The following NIPBL variants were observed in gnomAD, a reference collection of about 807,000 sequenced individuals.
NIPBL encodes nipped-B-like protein.
NIPBL carries 19 observed loss-of-function variants against 321.8 expected under a neutral mutation model. The ratio of observed to expected loss-of-function variants is 0.06; its 90% CI spans 0.04 to 0.09. NIPBL has a LOEUF of 0.09. NIPBL is among the 10% of genes least tolerant of loss of function. The pLI is 1.00. For missense variants in NIPBL, 2,210 were observed against 3,327.0 expected (o/e 0.66, Z 8.26); for synonymous variants, 1,106 against 1,114.1 (o/e 0.99, Z 0.14).
chr5:36,914,100 T>G (rs1748263434), intron 1 of NIPBL, among the ~76,000 whole-genome samples: 1 of 152,292 alleles, frequency 6.6e-6, no homozygotes, highest in East Asian at 1.9e-4. Flanking sequence ...CACATGGAAA[T>G]AAAGAGCTAG....
At chr5:37,002,085 AG>A (rs890200514) in intron 14 of NIPBL, among the ~76,000 whole-genome samples, 6 of 152,188 alleles carry the variant, frequency 3.9e-5, no homozygotes, top group Non-Finnish European at 7.3e-5. Context: ...AAAAAGATGG[AG>A]GCAAAATAAT....
intron 14 of NIPBL, 120 bp from the exon 15 acceptor site, chr5:37,002,542 C>T (rs953424736): frequency 1.6e-5 from 11 of 705,476 alleles, no homozygotes; most frequent in Admixed American, 4.1e-5. Context: ...TATATAGAGG[C>T]GTCTTAGGTT....
At chr5:36,995,399 CAT>C (rs1395372484) in intron 10 of NIPBL, 3 of 393,062 alleles carry the variant, frequency 7.6e-6, no homozygotes, top group Non-Finnish European at 1.3e-5. Context: ...ATGGTGGTGT[CAT>C]GTTTTTAAAG....
Position 36,880,406 on chromosome 5 carries a change from G to C in NIPBL, c.-80+3228G>C, listed in dbSNP as rs75099710. Among the ~76,000 whole-genome samples, 109 of 152,004 alleles carry C rather than the reference G, an allele frequency of 7.2e-4. 1 individual carries two copies. Among genetic ancestry groups the C allele is most frequent in the Admixed American group, 5.1e-3 (78 of 15,276 alleles). On this transcript the variant is annotated intron_variant, in intron 1 of 46. Coordinates refer to ENST00000282516, the MANE Select transcript of NIPBL (RefSeq NM_133433.4). Reference sequence around the variant, plus strand: ...TAATTTCATTTAATCCTCCTTTCTGGTGCTTATTAGGAAAAGCATAATTTG... The same window carrying C: ...TAATTTCATTTAATCCTCCTTTCTGCTGCTTATTAGGAAAAGCATAATTTG...
At chr5:36,940,914 T>C (rs903831278) in intron 1 of NIPBL, among the ~76,000 whole-genome samples, 3 of 152,188 alleles carry the variant, frequency 2.0e-5, no homozygotes, top group African/African-American at 7.2e-5. Flanking sequence ...ATCACAAATA[T>C]GTAATTATAT....
At chr5:36,990,459 A>G (rs1204878570) in intron 10 of NIPBL, among the ~76,000 whole-genome samples, 1 of 152,162 alleles carries the variant, frequency 6.6e-6, no homozygotes, top group Non-Finnish European at 1.5e-5. Context: ...TGTTTTCTTT[A>G]AAGTAGATTG....
chr5:37,014,030 AC>A (rs1286369188), intron 21 of NIPBL, among the ~76,000 whole-genome samples: 1 of 152,166 alleles, frequency 6.6e-6, no homozygotes, highest in Non-Finnish European at 1.5e-5. Flanking sequence ...ACACAGCGAA[AC>A]CCCGTCTCCA....
chr5:36,941,016 G>T (rs185151601), intron 1 of NIPBL, among the ~76,000 whole-genome samples: 47 of 152,178 alleles, frequency 3.1e-4, no homozygotes, highest in Non-Finnish European at 4.1e-4. Context: ...AACAACTGCT[G>T]GTTGTCCCTA....
intron 1 of NIPBL, among the ~76,000 whole-genome samples, chr5:36,901,506 T>G (rs1747215318): frequency 7.2e-6 from 1 of 138,154 alleles, no homozygotes; most frequent in Non-Finnish European, 1.5e-5. Context: ...AGTCCTTTTT[T>G]TTTTTTTTTT....
At chr5:37,057,161 G>T (rs905614236) in intron 42 of NIPBL, 25 bp from the exon 43 acceptor site, 12 of 1,611,336 alleles carry the variant, frequency 7.4e-6, no homozygotes, top group African/African-American at 1.3e-5. Context: ...CGCTAAACAT[G>T]TGTGCTTTTT....
At chr5:36,930,717 T>C (rs1020360504) in intron 1 of NIPBL, among the ~76,000 whole-genome samples, 5 of 152,156 alleles carry the variant, frequency 3.3e-5, no homozygotes, top group African/African-American at 1.2e-4. Context: ...AGAGCCTTTT[T>C]ATTTCTAATT....
At chr5:36,928,024 A>T (rs529010228) in intron 1 of NIPBL, among the ~76,000 whole-genome samples, 2 of 152,018 alleles carry the variant, frequency 1.3e-5, no homozygotes, top group African/African-American at 2.4e-5. Flanking sequence ...CTTTCTTTCA[A>T]TAAAACCATA....
chr5:36,917,201 G>A (rs796496078), intron 1 of NIPBL, among the ~76,000 whole-genome samples: 10 of 152,186 alleles, frequency 6.6e-5, no homozygotes, highest in African/African-American at 2.4e-4. Context: ...ATTCTAATTG[G>A]TATCTCATTG....
chr5:37,020,719 T>A, intron 26 of NIPBL, 46 bp downstream of exon 26: 1 of 1,600,304 alleles, frequency 6.2e-7, no homozygotes, highest in Non-Finnish European at 8.6e-7. Flanking sequence ...CCTTGATATC[T>A]ATTTCCCTAA....
intron 16 of NIPBL, among the ~76,000 whole-genome samples, chr5:37,004,845 C>T (rs1003919016): frequency 9.9e-5 from 15 of 152,118 alleles, no homozygotes; most frequent in African/African-American, 3.6e-4. Flanking sequence ...ATATATACTT[C>T]TCATGTATAC....
chr5:37,006,374 A>G lies in NIPBL; in HGVS notation c.3873A>G (p.Glu1291=), dbSNP rs777857860. ...TTTTACAGAATAACGATACTGAAGAAGAAGAAAGGTTATGGAGAGACCTTA... is the reference window on the plus strand; with the variant it reads ...TTTTACAGAATAACGATACTGAAGAGGAAGAAAGGTTATGGAGAGACCTTA... The part of the protein sequence containing the change: ...TLLNHNNDTE[E]EERLWRDLIM... The change falls in exon 17 of 47, where the codon GAA becomes GAG. Residue 1291 remains glutamate (E), a synonymous_variant. Coordinates refer to ENST00000282516, the MANE Select transcript of NIPBL (RefSeq NM_133433.4). 1 of 1,588,980 alleles carries G rather than the reference A, an allele frequency of 6.3e-7. No homozygotes were observed.
intron 1 of NIPBL, among the ~76,000 whole-genome samples, chr5:36,930,115 C>G (rs1184051720): frequency 1.3e-5 from 2 of 151,808 alleles, no homozygotes; most frequent in Non-Finnish European, 2.9e-5. Context: ...GGAAAAAAAA[C>G]AGCTGGGATT....
At chr5:37,032,561 G>T (rs1004155785) in intron 32 of NIPBL, among the ~76,000 whole-genome samples, 1 of 151,894 alleles carries the variant, frequency 6.6e-6, no homozygotes, top group Admixed American at 6.6e-5. Context: ...TTTGAAGCCT[G>T]GAGTTTTAGA....
intron 45 of NIPBL, among the ~76,000 whole-genome samples, chr5:37,062,262 A>G (rs558507308): frequency 5.3e-5 from 8 of 152,352 alleles, no homozygotes; most frequent in South Asian, 2.1e-4. Flanking sequence ...CATGGCTTAT[A>G]TGTCATAAAA....
Sources: gnomAD v4.1 joint callset for allele counts (sites outside exome capture counted in the v4.1 genomes callset) on GRCh38, gnomAD v4.1.1 for gene constraint, MANE v1.5 for transcripts, NCBI Gene and HGNC (gene_info 2026-07-23, HGNC 2026-07-21) for gene names.